GBE1: variants seen among roughly 807,000 people sequenced by gnomAD.
GBE1 encodes 1,4-alpha-glucan-branching enzyme.
A neutral mutation model predicts 88.8 loss-of-function variants in GBE1; 70 were observed. The ratio of observed to expected loss-of-function variants is 0.79; its 90% CI spans 0.65 to 0.96. The LOEUF is 0.96. GBE1 is among the 40% of genes least tolerant of loss of function. GBE1 has a pLI of 0.00. For missense variants in GBE1, 872 were observed against 871.0 expected, an observed-to-expected ratio of 1.00 and a Z score of -0.01; for synonymous variants, 284 against 300.1, an observed-to-expected ratio of 0.95 and a Z score of 0.56.
At chr3:81,759,601 T>C (rs1232321453) in intron 1 of GBE1, among the ~76,000 whole-genome samples, 3 of 152,220 alleles carry the variant, frequency 2.0e-5, no homozygotes, top group Non-Finnish European at 4.4e-5. Flanking sequence ...TGCTAGCAAA[T>C]GGCCATTACT....
intron 1 of GBE1, among the ~76,000 whole-genome samples, chr3:81,753,042 G>A (rs2594556): frequency 0.016 from 2,404 of 152,250 alleles, 57 homozygotes; most frequent in African/African-American, 0.054. Context: ...TATGGATGAA[G>A]AAATAAGTTC....
At chr3:81,623,674 C>T (rs1414062328) in intron 7 of GBE1, among the ~76,000 whole-genome samples, 2 of 152,090 alleles carry the variant, frequency 1.3e-5, no homozygotes, top group African/African-American at 2.4e-5. Context: ...GACAGCGTTT[C>T]ACTCTGTCAC....
intron 12 of GBE1, among the ~76,000 whole-genome samples, chr3:81,560,151 A>C (rs1703398007): frequency 6.6e-6 from 1 of 152,010 alleles, no homozygotes; most frequent in Admixed American, 6.6e-5. Context: ...TTCTCATCGT[A>C]CCACAATTTT....
intron 3 of GBE1, among the ~76,000 whole-genome samples, chr3:81,661,264 G>C (rs1360776019): frequency 6.6e-6 from 1 of 152,008 alleles, no homozygotes; most frequent in Non-Finnish European, 1.5e-5. Context: ...ACAGTACACA[G>C]ATACAAGAAA....
At chr3:81,684,215 C>T (rs1705397797) in intron 2 of GBE1, among the ~76,000 whole-genome samples, 1 of 152,162 alleles carries the variant, frequency 6.6e-6, no homozygotes, top group Admixed American at 6.5e-5. Flanking sequence ...CTGACTCCTG[C>T]TTCTGTCTGT....
intron 10 of GBE1, among the ~76,000 whole-genome samples, chr3:81,581,840 C>G (rs1268269330): frequency 2.0e-5 from 3 of 152,066 alleles, no homozygotes; most frequent in Admixed American, 1.3e-4. Flanking sequence ...CTCTGTCCCT[C>G]TAACACTATA....
At chr3:81,553,154 T>C (rs77020963) in intron 12 of GBE1, among the ~76,000 whole-genome samples, 1 of 152,210 alleles carries the variant, frequency 6.6e-6, no homozygotes, top group Non-Finnish European at 1.5e-5. Flanking sequence ...AATTCCACTA[T>C]CAAATGTACG....
At chr3:81,608,879 C>T (rs117354042) in intron 7 of GBE1, among the ~76,000 whole-genome samples, 38 of 152,030 alleles carry the variant, frequency 2.5e-4, no homozygotes, top group African/African-American at 5.3e-4. Context: ...TGACATAAGA[C>T]GGATTAACAG....
intron 7 of GBE1, among the ~76,000 whole-genome samples, chr3:81,611,339 T>C (rs1041557613): frequency 3.3e-5 from 5 of 152,132 alleles, no homozygotes; most frequent in Non-Finnish European, 5.9e-5. Context: ...AAGAGGGATA[T>C]AGACAAATTC....
At chr3:81,758,672 A>G (rs1168860399) in intron 1 of GBE1, among the ~76,000 whole-genome samples, 2 of 152,198 alleles carry the variant, frequency 1.3e-5, no homozygotes, top group South Asian at 2.1e-4. Flanking sequence ...AGGTAGAAAA[A>G]TCAAGTGGAA....
At chr3:81,583,503 G>T (rs1191177283) in intron 10 of GBE1, among the ~76,000 whole-genome samples, 2 of 151,956 alleles carry the variant, frequency 1.3e-5, no homozygotes, top group African/African-American at 4.8e-5. Context: ...GTTAAACTGT[G>T]GTATACCCCT....
At chr3:81,711,265 A>G (rs577059742) in intron 1 of GBE1, among the ~76,000 whole-genome samples, 5 of 152,316 alleles carry the variant, frequency 3.3e-5, no homozygotes, top group Admixed American at 2.0e-4. Flanking sequence ...GATTTTTAAG[A>G]TTTTATTTTG....
Position 81,676,994 on chromosome 3 carries a change from T to G in GBE1, c.314-6041A>C, listed in dbSNP as rs140790306. On this transcript the variant is annotated intron_variant, in intron 2 of 15. Coordinates refer to ENST00000429644, the MANE Select transcript of GBE1 (RefSeq NM_000158.4). Reference sequence around the variant, plus strand: ...TATGTTTATCTCATACCCAACAACCTTTCCTTTTCAAATGTACTAATCCTC... The same window carrying G: ...TATGTTTATCTCATACCCAACAACCGTTCCTTTTCAAATGTACTAATCCTC... Among the ~76,000 whole-genome samples, 398 of 152,288 alleles carry G rather than the reference T, an allele frequency of 2.6e-3. 1 individual carries two copies. The highest frequency in any genetic ancestry group is 9.0e-3 in the African/African-American group (376 of 41,552).
intron 2 of GBE1, among the ~76,000 whole-genome samples, chr3:81,688,117 CTATTGTTACACAAAG>C (rs1418036265): frequency 6.6e-6 from 1 of 152,210 alleles, no homozygotes; most frequent in African/African-American, 2.4e-5. Context: ...TAAATGCTTA[CTATTGTTACACAAAG>C]TATGGAAATA....
At chr3:81,587,179 A>G (rs1179267784) in intron 9 of GBE1, among the ~76,000 whole-genome samples, 1 of 152,136 alleles carries the variant, frequency 6.6e-6, no homozygotes, top group Non-Finnish European at 1.5e-5. Flanking sequence ...ACTCTAGACA[A>G]TAAGTATCCA....
Position 81,560,509 on chromosome 3 carries a change from C to T in GBE1, c.1618+17416G>A, listed in dbSNP as rs532921971. 2.0e-5 allele frequency among the ~76,000 whole-genome samples: 3 copies of T among 151,934 alleles called. No individual in the cohort carries two copies. The East Asian group carries it at 5.8e-4, about 29-fold the overall frequency. On this transcript the variant is annotated intron_variant, in intron 12 of 15. Transcript: ENST00000429644. ...TATACCATGAAAATTTTATCTATGACCCACATAAAATAAAAACATGATGTA... is the reference window on the plus strand; with the variant it reads ...TATACCATGAAAATTTTATCTATGATCCACATAAAATAAAAACATGATGTA...
At chr3:81,686,266 A>G (rs1449412087) in intron 2 of GBE1, among the ~76,000 whole-genome samples, 3 of 152,204 alleles carry the variant, frequency 2.0e-5, no homozygotes, top group Non-Finnish European at 2.9e-5. Flanking sequence ...AGAAACTAGA[A>G]GTAGTCATCT....
rs1703083660 is a variant in GBE1 at position 81,536,944 on chromosome 3, C to T, written c.1770G>A (p.Leu590=). Residue 590 remains leucine (L), a synonymous_variant, in exon 13 of 16, where the codon TTG becomes TTA. Coordinates refer to ENST00000429644, the MANE Select transcript of GBE1 (RefSeq NM_000158.4). ...LNNFDRDMNR[L]EERYGWLAAP... ...CTGCAAGCCAACCATATCTTTCTTC[C>T]AATCTATTCATATCCCTGTCAAAAT... is the stretch of plus-strand genomic sequence containing the variant. 1.3e-6 allele frequency: 2 copies of T among 1,582,636 alleles called. No individual in the cohort carries two copies. The highest frequency in any genetic ancestry group is 1.7e-6 in the Non-Finnish European group (2 of 1,166,926).
intron 14 of GBE1, among the ~76,000 whole-genome samples, chr3:81,515,338 C>G (rs537011173): frequency 6.6e-6 from 1 of 151,336 alleles, no homozygotes; most frequent in South Asian, 2.1e-4. Flanking sequence ...TTTACATTAT[C>G]ATTATGTCTA....
Sources: gnomAD v4.1 joint callset for allele counts (sites outside exome capture counted in the v4.1 genomes callset) on GRCh38, gnomAD v4.1.1 for gene constraint, MANE v1.5 for transcripts, NCBI Gene and HGNC (gene_info 2026-07-23, HGNC 2026-07-21) for gene names.